CSMD1: variants seen among roughly 807,000 people sequenced by gnomAD.
CSMD1 encodes CUB and sushi domain-containing protein 1.
In CSMD1, 213 loss-of-function variants were observed where a neutral mutation model predicts 417.5. The observed-to-expected ratio is 0.51, with a 90% CI of 0.46 to 0.57. CSMD1 has a LOEUF of 0.57. Among genes scored for constraint, CSMD1 ranks in the 20% least tolerant of loss-of-function variants. The pLI is 0.00. For synonymous variants in CSMD1, 2,862 were observed against 1,736.8 expected, an observed-to-expected ratio of 1.65 and a Z score of -16.11; for missense variants, 6,923 against 4,529.7, an observed-to-expected ratio of 1.53 and a Z score of -15.17.
chr8:3,714,233 G>A (rs992745853), intron 6 of CSMD1, among the ~76,000 whole-genome samples: 1 of 150,566 alleles, frequency 6.6e-6, no homozygotes, highest in East Asian at 1.9e-4. Context: ...AGCTCCCAAT[G>A]TCAGACATAC....
At chr8:3,870,782 T>C (rs982902408) in intron 5 of CSMD1, among the ~76,000 whole-genome samples, 15 of 152,154 alleles carry the variant, frequency 9.9e-5, no homozygotes, top group Non-Finnish European at 2.9e-5. Flanking sequence ...TTAGAGCTAC[T>C]CAGGAATTGC....
At chr8:3,585,378 G>GT (rs1563175339) in intron 9 of CSMD1, among the ~76,000 whole-genome samples, 1 of 152,064 alleles carries the variant, frequency 6.6e-6, no homozygotes, top group East Asian at 1.9e-4. Flanking sequence ...TCAAACTAGG[G>GT]CTTTTTCTCC....
At chr8:3,308,972 C>G (rs1032916640) in intron 23 of CSMD1, among the ~76,000 whole-genome samples, 4 of 152,040 alleles carry the variant, frequency 2.6e-5, no homozygotes, top group African/African-American at 4.8e-5. Flanking sequence ...CAATCCACCC[C>G]CTCAGCCTCC....
intron 25 of CSMD1, among the ~76,000 whole-genome samples, chr8:3,285,777 T>C (rs1006056789): frequency 6.6e-6 from 1 of 151,912 alleles, no homozygotes; most frequent in Non-Finnish European, 1.5e-5. Context: ...TGGTTCTTTC[T>C]CTTATCACAC....
chr8:4,550,329 G>GCACACA (rs35196172), intron 2 of CSMD1, among the ~76,000 whole-genome samples: 41 of 139,708 alleles, frequency 2.9e-4, no homozygotes, highest in Non-Finnish European at 4.1e-4. Context: ...ATACACACAC[G>GCACACA]CACACACACA....
intron 5 of CSMD1, among the ~76,000 whole-genome samples, chr8:3,952,000 C>T (rs896132665): frequency 8.5e-5 from 13 of 152,288 alleles, no homozygotes; most frequent in Middle Eastern, 3.4e-3. Flanking sequence ...CTTGGAACAA[C>T]TTCACCATTT....
chr8:3,431,676 C>T (rs891244257), intron 12 of CSMD1, among the ~76,000 whole-genome samples: 1 of 152,190 alleles, frequency 6.6e-6, no homozygotes, highest in Non-Finnish European at 1.5e-5. Flanking sequence ...TTTCCGGTAA[C>T]ATATGACCCA....
chr8:3,268,065 A>G lies in CSMD1; in HGVS notation c.4153+16079T>C, dbSNP rs547441253. 3.9e-5 allele frequency among the ~76,000 whole-genome samples: 6 copies of G among 152,190 alleles called. No individual in the cohort carries two copies. The South Asian group carries it at 1.2e-3, about 32-fold the overall frequency. On this transcript the variant is annotated intron_variant, in intron 26 of 69. Transcript: ENST00000635120. ...GGACGGGCCAATCTTTGCCTTCCAC[A>G]GCATTGATCTCCAATGCCCATGGGG...
intron 3 of CSMD1, among the ~76,000 whole-genome samples, chr8:4,231,985 T>C (rs1008613559): frequency 6.6e-6 from 1 of 152,186 alleles, no homozygotes; most frequent in African/African-American, 2.4e-5. Context: ...AGGCTAATCA[T>C]TTTGTAAAGC....
intron 3 of CSMD1, among the ~76,000 whole-genome samples, chr8:4,077,337 TTATA>T (rs1799886072): frequency 8.4e-6 from 1 of 118,726 alleles, no homozygotes; most frequent in African/African-American, 3.5e-5. Context: ...GACATATAGA[TTATA>T]TATAATTTAT....
rs548675406 is a variant in CSMD1, at chr8:4,472,066, G to C, written c.303-52001C>G. Reference sequence around the variant, plus strand: ...GAACTCAGATTTAATGCTTAGCTGGGAAACTTGTTCGACACAGTCAGCAGA... The same window carrying C: ...GAACTCAGATTTAATGCTTAGCTGGCAAACTTGTTCGACACAGTCAGCAGA... On this transcript the variant is annotated intron_variant, in intron 2 of 69. Transcript: ENST00000635120. 1.1e-4 allele frequency among the ~76,000 whole-genome samples: 16 copies of C among 152,238 alleles called. No individual in the cohort carries two copies. The South Asian group carries it at 3.1e-3, about 30-fold the overall frequency.
intron 50 of CSMD1, among the ~76,000 whole-genome samples, chr8:3,039,047 C>A (rs1003058921): frequency 1.3e-5 from 2 of 152,172 alleles, no homozygotes; most frequent in African/African-American, 4.8e-5. Flanking sequence ...CAGAAGAGAT[C>A]TAGACAGAAA....
chr8:4,063,879 T>C lies in CSMD1; in HGVS notation c.416-31780A>G, dbSNP rs142349512. Reference sequence around the variant, plus strand: ...CTTTGTCACATCAGCATTTTACACGTAGCTGAAATATCAAATCGTGCACAA... The same window carrying C: ...CTTTGTCACATCAGCATTTTACACGCAGCTGAAATATCAAATCGTGCACAA... On this transcript the variant is annotated intron_variant, in intron 3 of 69. Transcript: ENST00000635120. Among the ~76,000 whole-genome samples, 40 of 152,328 alleles carry C rather than the reference T, an allele frequency of 2.6e-4. No individual in the cohort carries two copies. The East Asian group carries it at 6.0e-3, about 23-fold the overall frequency.
At position 3,846,702 on chromosome 8, in the gene CSMD1, G is replaced by C. The variant is rs187824859; in HGVS notation, c.819-92660C>G. 5.9e-5 allele frequency among the ~76,000 whole-genome samples: 9 copies of C among 152,188 alleles called. No homozygotes were observed. The East Asian group carries it at 1.7e-3, about 29-fold the overall frequency. On this transcript the variant is annotated intron_variant, in intron 5 of 69. Coordinates refer to ENST00000635120, the MANE Select transcript of CSMD1 (RefSeq NM_033225.6). ...AGATGGAGTTTCTCTCTGTCGCCCA[G>C]GCTGGAGTGCAGTGGTGCAACCTTG...
At chr8:4,398,745 A>C (rs546704318) in intron 3 of CSMD1, among the ~76,000 whole-genome samples, 46 of 152,288 alleles carry the variant, frequency 3.0e-4, no homozygotes, top group East Asian at 5.8e-4. Flanking sequence ...CAGATTTATC[A>C]ATTAGTTTCT....
At chr8:4,159,860 G>A (rs930394563) in intron 3 of CSMD1, among the ~76,000 whole-genome samples, 2 of 152,070 alleles carry the variant, frequency 1.3e-5, no homozygotes, top group South Asian at 2.1e-4. Context: ...AAGACCGTAT[G>A]TTCTCACCCA....
chr8:3,597,212 C>T (rs781018962), intron 8 of CSMD1, among the ~76,000 whole-genome samples: 68 of 152,118 alleles, frequency 4.5e-4, no homozygotes, highest in Non-Finnish European at 7.3e-4. Context: ...TGAGAGGACT[C>T]ATGGTAAACA....
At chr8:4,922,679 G>C (rs573442229) in intron 1 of CSMD1, among the ~76,000 whole-genome samples, 20 of 152,284 alleles carry the variant, frequency 1.3e-4, no homozygotes, top group African/African-American at 4.8e-4. Context: ...ATTTCTGAGA[G>C]CCCCTGCAGA....
chr8:4,896,210 G>C (rs1585282522), intron 1 of CSMD1, among the ~76,000 whole-genome samples: 1 of 151,942 alleles, frequency 6.6e-6, no homozygotes, highest in Non-Finnish European at 1.5e-5. Context: ...GAAGTGTCTT[G>C]TCAGTCTGGT....
Sources: gnomAD v4.1 joint callset for allele counts (sites outside exome capture counted in the v4.1 genomes callset) on GRCh38, gnomAD v4.1.1 for gene constraint, MANE v1.5 for transcripts, NCBI Gene and HGNC (gene_info 2026-07-23, HGNC 2026-07-21) for gene names.